Variants in SCN11A observed in about 807,000 individuals in gnomAD.
SCN11A encodes the protein sodium voltage-gated channel alpha subunit 11.
A neutral mutation model predicts 162.2 loss-of-function variants in SCN11A; 122 were observed. The ratio of observed to expected loss-of-function variants is 0.75; its 90% CI spans 0.65 to 0.87. The LOEUF (loss-of-function observed/expected upper bound fraction) is 0.87. Among genes scored for constraint, SCN11A ranks in the 40% least tolerant of loss-of-function variants. SCN11A has a pLI of 0.00. For missense variants in SCN11A, 2,015 were observed against 2,181.6 expected, an observed-to-expected ratio of 0.92 and a Z score of 1.52; for synonymous variants, 758 against 751.5, an observed-to-expected ratio of 1.01 and a Z score of -0.14.
chr3:38,879,823 C>A, intron 23 of SCN11A, 127 bp downstream of exon 23: 1 of 693,148 alleles, frequency 1.4e-6, no homozygotes, highest in East Asian at 2.8e-5. Flanking sequence ...TGTGAAGAGG[C>A]AATGATAACA....
At chr3:38,855,188 T>C (rs963702909) in intron 28 of SCN11A, among the ~76,000 whole-genome samples, 4 of 152,230 alleles carry the variant, frequency 2.6e-5, no homozygotes, top group Admixed American at 6.5e-5. Context: ...AGCACGGTAC[T>C]GCAGGAGCAA....
chr3:39,025,756 G>A (rs2031572931), intron 2 of SCN11A, among the ~76,000 whole-genome samples: 2 of 152,132 alleles, frequency 1.3e-5, no homozygotes, highest in African/African-American at 4.8e-5. Flanking sequence ...TTCATGACCT[G>A]TATGTTGTGC....
intron 15 of SCN11A, 146 bp downstream of exon 15, chr3:38,905,046 A>T: frequency 9.7e-7 from 1 of 1,035,248 alleles, no homozygotes; most frequent in South Asian, 1.4e-5. Context: ...CCAAAGAGGC[A>T]AAGGAAGTCA....
chr3:39,042,956 T>A (rs1466057399), intron 1 of SCN11A, among the ~76,000 whole-genome samples: 24 of 20,106 alleles, frequency 1.2e-3, no homozygotes, highest in South Asian at 4.3e-3. Flanking sequence ...AAACTCCATC[T>A]CAAAAAAAAA....
At chr3:38,975,336 C>G (rs1323679280) in intron 2 of SCN11A, among the ~76,000 whole-genome samples, 2 of 152,036 alleles carry the variant, frequency 1.3e-5, no homozygotes, top group African/African-American at 4.8e-5. Flanking sequence ...TAAGCAAACT[C>G]TGACTCTGAA....
chr3:39,047,012 C>A (rs111259313), intron 1 of SCN11A, among the ~76,000 whole-genome samples: 2 of 140,252 alleles, frequency 1.4e-5, no homozygotes, highest in African/African-American at 5.7e-5. Context: ...TGAGCCATTG[C>A]ACACAGCCCC....
At chr3:39,010,426 C>A (rs930014905) in intron 2 of SCN11A, among the ~76,000 whole-genome samples, 6 of 147,808 alleles carry the variant, frequency 4.1e-5, no homozygotes, top group African/African-American at 1.6e-4. Context: ...GTTCCCCAAG[C>A]TGGAGTGCAG....
intron 16 of SCN11A, among the ~76,000 whole-genome samples, chr3:38,902,445 G>C (rs779943035): frequency 5.9e-5 from 9 of 152,140 alleles, no homozygotes; most frequent in African/African-American, 9.7e-5. Context: ...TTATACTACA[G>C]TTCCACTGTA....
chr3:38,932,929 T>TCGCTGAC (rs2066267990), intron 7 of SCN11A, among the ~76,000 whole-genome samples: 2 of 152,134 alleles, frequency 1.3e-5, no homozygotes, highest in African/African-American at 4.8e-5. Flanking sequence ...CTCAAGTGGG[T>TCGCTGAC]CCCTGACCCC....
At chr3:38,931,137 C>A (rs1380894856) in intron 7 of SCN11A, among the ~76,000 whole-genome samples, 1 of 152,222 alleles carries the variant, frequency 6.6e-6, no homozygotes, top group Non-Finnish European at 1.5e-5. Context: ...GCACCTCATG[C>A]AACAGCCAAA....
chr3:38,902,210 C>G (rs1200616654), intron 16 of SCN11A, among the ~76,000 whole-genome samples: 2 of 152,204 alleles, frequency 1.3e-5, no homozygotes, highest in African/African-American at 2.4e-5. Flanking sequence ...CTGCCTTCAA[C>G]TGAAACAATT....
rs143965127 is a variant in SCN11A at position 38,900,705 on chromosome 3, T to C, written c.1843-632A>G. Among the ~76,000 whole-genome samples the C allele has an allele frequency of 2.7e-4, 40 of 150,074 alleles. 1 individual carries two copies. Among genetic ancestry groups the C allele is most frequent in the Admixed American group, 1.4e-3 (21 of 15,090 alleles). On this transcript the variant is annotated intron_variant, in intron 16 of 29. Transcript: ENST00000302328. ...AATTTGTTATGGTTGAAAGGAGAAT[T>C]AGTGAATCAGAATATAATCCTAAAA...
At chr3:38,980,285 A>C (rs1664857224) in intron 2 of SCN11A, among the ~76,000 whole-genome samples, 1 of 152,236 alleles carries the variant, frequency 6.6e-6, no homozygotes, top group Admixed American at 6.5e-5. Context: ...TTTACATTAC[A>C]TGGATCCTGG....
chr3:38,916,665 G>A (rs1311484604), intron 11 of SCN11A, among the ~76,000 whole-genome samples: 1 of 151,996 alleles, frequency 6.6e-6, no homozygotes, highest in Non-Finnish European at 1.5e-5. Flanking sequence ...AAAGTTGCTG[G>A]GCTTCTTGTC....
At chr3:39,007,168 G>GAAGAAAGAGAAAATACTTGTGATA (rs2031002732) in intron 2 of SCN11A, among the ~76,000 whole-genome samples, 2 of 152,058 alleles carry the variant, frequency 1.3e-5, no homozygotes, top group Non-Finnish European at 2.9e-5. Context: ...AGAATGCTGG[G>GAAGAAAGAGAAAATACTTGTGATA]AAGAAAGAGA....
At chr3:38,906,242 T>C (rs557817943) in intron 14 of SCN11A, among the ~76,000 whole-genome samples, 3 of 152,292 alleles carry the variant, frequency 2.0e-5, no homozygotes, top group African/African-American at 7.2e-5. Flanking sequence ...TCTTTACCTG[T>C]ATCTTTAGCA....
At chr3:38,898,217 A>G (rs2065638923) in intron 17 of SCN11A, among the ~76,000 whole-genome samples, 1 of 152,236 alleles carries the variant, frequency 6.6e-6, no homozygotes, top group Admixed American at 6.5e-5. Flanking sequence ...CAGCCTGGGC[A>G]ACAGAGCCAA....
At chr3:38,906,470 A>G (rs2065793502) in intron 14 of SCN11A, among the ~76,000 whole-genome samples, 1 of 152,032 alleles carries the variant, frequency 6.6e-6, no homozygotes. Flanking sequence ...CCACTCCCAA[A>G]ATGTGTACCT....
Position 38,894,935 on chromosome 3 carries a change from G to C in SCN11A, c.2433C>G (p.Leu811=), listed in dbSNP as rs377615513. The change falls in exon 19 of 30, where the codon CTC becomes CTG. Residue 811 remains leucine, a synonymous_variant. Transcript: ENST00000302328. ...VVLNLFIALL[L]NSFSNEERNG... ...TTCTTTCCTCATTGCTAAAGGAATT[G>C]AGCAGTAAGGCAATGAAGAGGTTGA... 357 of 1,612,722 alleles carry C rather than the reference G, an allele frequency of 2.2e-4. 1 individual carries two copies. Among genetic ancestry groups the C allele is most frequent in the South Asian group, 3.0e-4 (27 of 90,942 alleles).
Sources: gnomAD v4.1 joint callset for allele counts (sites outside exome capture counted in the v4.1 genomes callset) on GRCh38, gnomAD v4.1.1 for gene constraint, MANE v1.5 for transcripts, NCBI Gene and HGNC (gene_info 2026-07-23, HGNC 2026-07-21) for gene names.